The following FBN2 variants were observed in gnomAD, a reference collection of about 807,000 sequenced individuals.
The protein encoded by FBN2 is fibrillin-2.
In FBN2, 105 loss-of-function variants were observed where a neutral mutation model predicts 355.6. That is an observed-to-expected ratio of 0.30 (90% CI 0.25 to 0.35). The LOEUF is 0.35. Among genes scored for constraint, FBN2 ranks in the 10% least tolerant of loss-of-function variants. The probability of loss-of-function intolerance (pLI) is 1.00; values close to 1 mark genes in which losing one functional copy is unlikely to be tolerated. For missense variants in FBN2, 3,280 were observed against 3,758.7 expected, an observed-to-expected ratio of 0.87 and a Z score of 3.33; for synonymous variants, 1,350 against 1,301.2, an observed-to-expected ratio of 1.04 and a Z score of -0.81.
At chr5:128,475,514 T>C (rs1754985174) in intron 5 of FBN2, among the ~76,000 whole-genome samples, 1 of 152,076 alleles carries the variant, frequency 6.6e-6, no homozygotes, top group Non-Finnish European at 1.5e-5. Context: ...GTAAGTAATA[T>C]GAATTCCAAA....
intron 56 of FBN2, among the ~76,000 whole-genome samples, chr5:128,279,315 A>T (rs1474833717): frequency 1.3e-5 from 2 of 152,116 alleles, no homozygotes; most frequent in Non-Finnish European, 2.9e-5. Flanking sequence ...ATAAAAATAT[A>T]AATAAAATTA....
At chr5:128,365,647 C>T (rs1751746744) in intron 17 of FBN2, among the ~76,000 whole-genome samples, 1 of 150,324 alleles carries the variant, frequency 6.7e-6, no homozygotes, top group Admixed American at 6.7e-5. Context: ...GAAGAATATA[C>T]ATAAATATAT....
At chr5:128,438,973 T>C (rs1422688924) in intron 7 of FBN2, among the ~76,000 whole-genome samples, 9 of 151,878 alleles carry the variant, frequency 5.9e-5, no homozygotes, top group African/African-American at 2.2e-4. Context: ...CACACACACA[T>C]ACACACACAC....
chr5:128,319,834 C>T (rs1380566656), intron 34 of FBN2, among the ~76,000 whole-genome samples: 1 of 152,144 alleles, frequency 6.6e-6, no homozygotes, highest in East Asian at 1.9e-4. Flanking sequence ...TGGAAATAAT[C>T]TGAATTTCTA....
intron 7 of FBN2, among the ~76,000 whole-genome samples, chr5:128,409,725 C>A (rs1378952445): frequency 1.3e-5 from 2 of 151,954 alleles, no homozygotes; most frequent in Non-Finnish European, 2.9e-5. Flanking sequence ...CTAGAAGAAA[C>A]AACAATAAAA....
At chr5:128,452,516 T>C (rs1358633327) in intron 6 of FBN2, among the ~76,000 whole-genome samples, 1 of 152,162 alleles carries the variant, frequency 6.6e-6, no homozygotes, top group Non-Finnish European at 1.5e-5. Flanking sequence ...ACATAAATTA[T>C]TATTAGATGA....
chr5:128,449,406 TTATATAG>T (rs58123128), intron 6 of FBN2, among the ~76,000 whole-genome samples: 1,965 of 99,696 alleles, frequency 0.02, 52 homozygotes, highest in African/African-American at 0.041. Flanking sequence ...TACTGTATAA[TTATATAG>T]TATACTATAT....
rs1390953993 is a variant in FBN2, at chr5:128,349,936, C to T, written c.2863+19G>A. 8 of 1,593,996 alleles carry T rather than the reference C, an allele frequency of 5.0e-6. No individual in the cohort carries two copies. The highest frequency in any genetic ancestry group is 6.9e-6 in the Non-Finnish European group (8 of 1,161,576). On this transcript the variant is annotated intron_variant, in intron 22 of 64. Transcript: ENST00000262464. ...TGCTCAAAAGATGTATAGTATCTTC[C>T]AAGGAAGGATACACTCACCTTCACA...
Position 128,362,860 on chromosome 5 carries a change from TAA to T in FBN2, c.2429-1014_2429-1013del, listed in dbSNP as rs141524428. Among the ~76,000 whole-genome samples, 1,271 of 152,340 alleles carry T rather than the reference TAA, an allele frequency of 8.3e-3. 20 individuals are homozygous for T. Among genetic ancestry groups the T allele is most frequent in the African/African-American group, 0.029 (1,200 of 41,580 alleles). On this transcript the variant is annotated intron_variant, in intron 18 of 64. Transcript: ENST00000262464. Reference sequence around the variant, plus strand: ...GTTTAGAGTGAAGAGCTCTTTCACTTAAAGTTACATTTCTAGTATTGCAAATA... The same window carrying T: ...GTTTAGAGTGAAGAGCTCTTTCACTTAGTTACATTTCTAGTATTGCAAATA...
rs551091607 is a variant in FBN2 at position 128,281,747 on chromosome 5, G to A, written c.7013-1430C>T. Among the ~76,000 whole-genome samples, 36 of 152,286 alleles carry A rather than the reference G, an allele frequency of 2.4e-4. No individual in the cohort carries two copies. The East Asian group carries it at 6.8e-3, about 29-fold the overall frequency. ...GTCGACCAGGCAGGAGTGCAGTGGTGCAATCTTGGCTCATTGCAAGCTCTG... is the reference window on the plus strand; with the variant it reads ...GTCGACCAGGCAGGAGTGCAGTGGTACAATCTTGGCTCATTGCAAGCTCTG... On this transcript the variant is annotated intron_variant, in intron 55 of 64. Coordinates refer to ENST00000262464, the MANE Select transcript of FBN2 (RefSeq NM_001999.4).
chr5:128,479,962 CTCTCTCTCTCTCTCTATATATATA>C (rs1755115662), intron 5 of FBN2, among the ~76,000 whole-genome samples: 2 of 37,542 alleles, frequency 5.3e-5, no homozygotes, highest in Non-Finnish European at 1.0e-4. Flanking sequence ...CTCTCTCTCT[CTCTCTCTCTCTCTCTATATATATA>C]TATATATATA....
intron 36 of FBN2, among the ~76,000 whole-genome samples, chr5:128,314,402 T>C (rs1355831987): frequency 6.7e-6 from 1 of 150,162 alleles, no homozygotes; most frequent in Non-Finnish European, 1.5e-5. Context: ...CTCGGCCCAC[T>C]GCAACCTCTG....
At chr5:128,335,847 C>A in intron 28 of FBN2, 141 bp downstream of exon 28, 1 of 917,790 alleles carries the variant, frequency 1.1e-6, no homozygotes, top group Non-Finnish European at 1.7e-6. Flanking sequence ...CAAGATCACA[C>A]AATAACTGAG....
At chr5:128,446,684 T>C (rs746857472) in intron 6 of FBN2, 78 bp from the exon 7 acceptor site, 265 of 1,471,672 alleles carry the variant, frequency 1.8e-4, no homozygotes, top group Admixed American at 1.5e-3. Context: ...ATAAAAACTT[T>C]ATATAAACAT....
chr5:128,521,043 A>T (rs1756419696), intron 4 of FBN2, among the ~76,000 whole-genome samples: 1 of 152,218 alleles, frequency 6.6e-6, no homozygotes, highest in Non-Finnish European at 1.5e-5. Context: ...AACTGCCAGG[A>T]TTTGAAGATT....
At chr5:128,528,542 A>G (rs1756626554) in intron 3 of FBN2, among the ~76,000 whole-genome samples, 1 of 152,194 alleles carries the variant, frequency 6.6e-6, no homozygotes, top group Admixed American at 6.5e-5. Context: ...TATTAAAAGT[A>G]CCACGGAGAA....
chr5:128,499,549 C>G (rs1345999057), intron 5 of FBN2, among the ~76,000 whole-genome samples: 2 of 152,132 alleles, frequency 1.3e-5, no homozygotes, highest in Non-Finnish European at 2.9e-5. Flanking sequence ...TAATAAGCAA[C>G]AATGGTTGCA....
chr5:128,536,670 G>A (rs1469316344), intron 1 of FBN2, among the ~76,000 whole-genome samples, 186 bp from the exon 2 acceptor site: 1 of 152,202 alleles, frequency 6.6e-6, no homozygotes, highest in African/African-American at 2.4e-5. Flanking sequence ...TGGAATGCAG[G>A]AGGGTCAGAA....
chr5:128,468,513 T>C (rs965831237), intron 5 of FBN2, among the ~76,000 whole-genome samples: 1 of 152,220 alleles, frequency 6.6e-6, no homozygotes, highest in African/African-American at 2.4e-5. Flanking sequence ...TTGACAAATA[T>C]ACATTTAACT....
Sources: gnomAD v4.1 joint callset for allele counts (sites outside exome capture counted in the v4.1 genomes callset) on GRCh38, gnomAD v4.1.1 for gene constraint, MANE v1.5 for transcripts, NCBI Gene and HGNC (gene_info 2026-07-23, HGNC 2026-07-21) for gene names.